VAMP3: variants seen among roughly 807,000 people sequenced by gnomAD.
The protein encoded by VAMP3 is vesicle-associated membrane protein 3.
Under a neutral mutation model 18.1 loss-of-function variants are expected in VAMP3, and 11 were observed. The observed-to-expected ratio is 0.61, with a 90% confidence interval of 0.38 to 1.00. The LOEUF (loss-of-function observed/expected upper bound fraction) is 1.00. Among genes scored for constraint, VAMP3 ranks in the 50% least tolerant of loss-of-function variants. The pLI is 0.01. For synonymous variants in VAMP3, 49 were observed against 43.1 expected (o/e 1.14, Z -0.53); for missense variants, 122 against 127.3 (o/e 0.96, Z 0.20).
At chr1:7,778,281 G>A (rs2097055311) in intron 4 of VAMP3, 112 bp downstream of exon 4, 5 of 1,347,358 alleles carry the variant, frequency 3.7e-6, no homozygotes, top group Non-Finnish European at 5.3e-6. Flanking sequence ...TGTTAGTTTT[G>A]GCTAGGTGCG....
intron 1 of VAMP3, among the ~76,000 whole-genome samples, chr1:7,772,491 G>A (rs1273783728): frequency 6.6e-6 from 1 of 152,242 alleles, no homozygotes; most frequent in African/African-American, 2.4e-5. Context: ...AAACCAAAGT[G>A]ATACTTTCCA....
In VAMP3 at chr1:7,779,860, T is replaced by C; in HGVS notation, c.*215T>C. 1.7e-6 allele frequency: 1 copy of C among 595,738 alleles called. No homozygotes were observed. The highest frequency in any genetic ancestry group is 2.9e-6 in the Non-Finnish European group (1 of 341,674). 36.9% of individuals were successfully genotyped at this position (595,738 alleles called of 1,614,324 possible). On this transcript the variant is annotated 3_prime_UTR_variant, in exon 5 of 5. Transcript: ENST00000054666. ...ACATTTTGCACAGTGCCTTTACAGA[T>C]TTACGTATGGGCTGATGAAGAGGCC... is the stretch of plus-strand genomic sequence containing the variant.
chr1:7,779,814 A>C lies in VAMP3; in HGVS notation c.*169A>C. On this transcript the variant is annotated 3_prime_UTR_variant, in exon 5 of 5. Coordinates refer to ENST00000054666, the MANE Select transcript of VAMP3 (RefSeq NM_004781.4). ...CTTTGTTTTTTAATATGCACTCCAA[A>C]TTAGAAGGCCGGCCCCGTCCACATT... is the stretch of plus-strand genomic sequence containing the variant. The C allele has an allele frequency of 1.2e-6, 1 of 809,410 alleles. No individual in the cohort carries two copies. The highest frequency in any genetic ancestry group is 1.9e-6 in the Non-Finnish European group (1 of 516,436). The allele number at this position is 809,410 out of a possible 1,614,324, so 50.1% of individuals were successfully genotyped here. A position where few individuals can be genotyped will look rare whatever the true frequency, so the allele number is the denominator to read the frequency against.
At position 7,777,101 on chromosome 1, in the gene VAMP3, G is replaced by A. The variant is rs980521504; in HGVS notation, c.73-59G>A. ...GCTAGGATTACAGGCGTGAGCCACC[G>A]CACCTGGCCCTGTTCCTCCATTCTT... On this transcript the variant is annotated intron_variant, in intron 2 of 4. Coordinates refer to ENST00000054666, the MANE Select transcript of VAMP3 (RefSeq NM_004781.4). The A allele has an allele frequency of 2.1e-5, 33 of 1,543,840 alleles. No individual in the cohort carries two copies. The Admixed American group carries it at 4.7e-4, about 22-fold the overall frequency.
chr1:7,777,006 T>C, intron 2 of VAMP3, 154 bp from the exon 3 acceptor site: 1 of 690,448 alleles, frequency 1.4e-6, no homozygotes, highest in Non-Finnish European at 2.2e-6. Flanking sequence ...AGACAGGGTT[T>C]CCCCATGTTG....
chr1:7,777,061 T>C, intron 2 of VAMP3, 99 bp from the exon 3 acceptor site: 6 of 1,394,802 alleles, frequency 4.3e-6, no homozygotes, highest in Non-Finnish European at 4.8e-6. Context: ...TCCACCCACC[T>C]CGGCCTCCCA....
At chr1:7,778,005 C>A in intron 3 of VAMP3, 113 bp from the exon 4 acceptor site, 2 of 1,124,626 alleles carry the variant, frequency 1.8e-6, no homozygotes, top group South Asian at 1.3e-5. Context: ...TTACTCCAGA[C>A]TGTATGCACC....
In VAMP3 at chr1:7,779,538, A is replaced by T. The variant is rs2097056032; in HGVS notation, c.284-88A>T. ...CAGTCTAATTTCTGATCACATTTAG[A>T]CTGCAGCATTGGATGTTGGCTTGGG... On this transcript the variant is annotated intron_variant, in intron 4 of 4. Coordinates refer to ENST00000054666, the MANE Select transcript of VAMP3 (RefSeq NM_004781.4). 22 of 1,574,620 alleles carry T rather than the reference A, an allele frequency of 1.4e-5. 1 individual carries two copies. The South Asian group carries it at 1.6e-4, about 11-fold the overall frequency.
At chr1:7,772,457 A>C (rs1024531582) in intron 1 of VAMP3, among the ~76,000 whole-genome samples, 15 of 152,360 alleles carry the variant, frequency 9.8e-5, no homozygotes, top group Admixed American at 8.5e-4. Context: ...GATCTATTCG[A>C]GGAGGCGGGA....
chr1:7,774,450 A>T (rs1175090000), intron 2 of VAMP3, among the ~76,000 whole-genome samples: 1 of 152,192 alleles, frequency 6.6e-6, no homozygotes. Context: ...ACTGTATATA[A>T]TTGAGTGTTA....
At position 7,771,336 on chromosome 1, in the gene VAMP3, C is replaced by G; in HGVS notation, c.-48C>G. The G allele has an allele frequency of 3.1e-6, 5 of 1,593,668 alleles. No individual in the cohort carries two copies. The highest frequency in any genetic ancestry group is 1.1e-5 in the South Asian group (1 of 89,846). On this transcript the variant is annotated 5_prime_UTR_variant, in exon 1 of 5. Coordinates refer to ENST00000054666, the MANE Select transcript of VAMP3 (RefSeq NM_004781.4). ...CTGGCCTCCGGTCCCAACTTCGCTT[C>G]TCTGCTGACCCTCTCTCGTCGCCGC...
chr1:7,779,366 C>T (rs1440167674), intron 4 of VAMP3, among the ~76,000 whole-genome samples: 1 of 152,066 alleles, frequency 6.6e-6, no homozygotes, highest in East Asian at 1.9e-4. Context: ...ATATGAGAAC[C>T]GAAACATGAC....
chr1:7,781,078 C>T lies in VAMP3; in HGVS notation c.*1433C>T, dbSNP rs1425933940. On this transcript the variant is annotated 3_prime_UTR_variant, in exon 5 of 5. Transcript: ENST00000054666. The stretch of plus-strand genomic sequence containing the variant: ...ATATTCTAAAACTCTTGTTCACATG[C>T]TATTATGACTTATAAAGCAGCAACA... 6.5e-6 allele frequency: 1 copy of T among 152,824 alleles called. No individual in the cohort carries two copies. The highest frequency in any genetic ancestry group is 1.5e-5 in the Non-Finnish European group (1 of 68,050). 9.5% of individuals were successfully genotyped at this position (152,824 alleles called of 1,614,324 possible).
intron 2 of VAMP3, among the ~76,000 whole-genome samples, chr1:7,774,473 A>G (rs1357974170): frequency 2.6e-5 from 4 of 152,174 alleles, no homozygotes; most frequent in Non-Finnish European, 5.9e-5. Context: ...TAGTATATTG[A>G]TAATATTTTG....
rs762957738 is a variant in VAMP3 at position 7,779,664 on chromosome 1, A to G, written c.*19A>G. On this transcript the variant is annotated 3_prime_UTR_variant, in exon 5 of 5. Coordinates refer to ENST00000054666, the MANE Select transcript of VAMP3 (RefSeq NM_004781.4). ...TTCATGAAGAACCAGCGGAACTCAA[A>G]ACTGCTGTTCAAGAAACCTCTTCAA... The G allele has an allele frequency of 1.2e-5, 19 of 1,614,048 alleles. No individual in the cohort carries two copies. The highest frequency in any genetic ancestry group is 1.6e-5 in the Non-Finnish European group (19 of 1,180,024).
chr1:7,772,127 T>C (rs2097051409), intron 1 of VAMP3, among the ~76,000 whole-genome samples: 1 of 152,226 alleles, frequency 6.6e-6, no homozygotes, highest in African/African-American at 2.4e-5. Flanking sequence ...AAAAACAAGC[T>C]GTCCTGCAGC....
intron 3 of VAMP3, among the ~76,000 whole-genome samples, chr1:7,777,548 A>G (rs2097054892): frequency 6.6e-6 from 1 of 152,212 alleles, no homozygotes; most frequent in Non-Finnish European, 1.5e-5. Context: ...CAGGTAGAAC[A>G]GGAATATCCA....
intron 4 of VAMP3, among the ~76,000 whole-genome samples, chr1:7,779,271 A>G (rs1028336932): frequency 1.3e-5 from 2 of 152,162 alleles, no homozygotes; most frequent in Admixed American, 6.5e-5. Context: ...TAATAGCTAT[A>G]TAAATAATAT....
chr1:7,771,844 A>AC (rs1485686055), intron 1 of VAMP3, among the ~76,000 whole-genome samples: 6 of 152,238 alleles, frequency 3.9e-5, no homozygotes, highest in Non-Finnish European at 8.8e-5. Context: ...GGGCATCTGC[A>AC]CTGGAAAGAT....
Sources: allele counts gnomAD v4.1 joint callset (sites outside exome capture counted in the v4.1 genomes callset), GRCh38; gene constraint gnomAD v4.1.1; transcripts MANE v1.5; gene names NCBI Gene and HGNC (gene_info 2026-07-23, HGNC 2026-07-21).